GALNT17: variants seen among roughly 807,000 people sequenced by gnomAD.
The protein encoded by GALNT17 is UDP-GalNAc:polypeptide N-acetylgalactosaminyltransferase-like 3.
In GALNT17, 29 loss-of-function variants were observed where a neutral mutation model predicts 63.7. The observed-to-expected ratio is 0.46, with a 90% CI of 0.34 to 0.62. GALNT17 has a LOEUF of 0.62. Ranked by LOEUF, GALNT17 falls within the 20% of genes least tolerant of loss-of-function variation. The pLI is 0.01. For synonymous variants in GALNT17, 305 were observed against 318.3 expected (o/e 0.96, Z 0.45); for missense variants, 603 against 799.6 (o/e 0.75, Z 2.97).
chr7:71,403,919 C>T (rs1793283351), intron 3 of GALNT17, among the ~76,000 whole-genome samples: 1 of 152,110 alleles, frequency 6.6e-6, no homozygotes, highest in African/African-American at 2.4e-5. Flanking sequence ...ATCAATATCA[C>T]CGTAAATAAG....
At chr7:71,559,237 C>T (rs1444856704) in intron 5 of GALNT17, among the ~76,000 whole-genome samples, 2 of 151,806 alleles carry the variant, frequency 1.3e-5, no homozygotes, top group African/African-American at 2.4e-5. Context: ...CCGTAATGTG[C>T]CAGTTGAGAA....
chr7:71,534,044 A>G (rs1373652001), intron 5 of GALNT17, among the ~76,000 whole-genome samples: 2 of 152,142 alleles, frequency 1.3e-5, no homozygotes, highest in Admixed American at 6.6e-5. Context: ...ACCGTCTGGG[A>G]GGCCTGATGG....
At chr7:71,414,046 A>T (rs1793479961) in intron 3 of GALNT17, among the ~76,000 whole-genome samples, 2 of 152,070 alleles carry the variant, frequency 1.3e-5, no homozygotes, top group African/African-American at 4.8e-5. Flanking sequence ...GTTCGAGACC[A>T]GCCTGACCAA....
At chr7:71,167,318 T>C (rs1788461592) in intron 1 of GALNT17, among the ~76,000 whole-genome samples, 1 of 152,228 alleles carries the variant, frequency 6.6e-6, no homozygotes, top group Non-Finnish European at 1.5e-5. Flanking sequence ...GATAGCACTT[T>C]GTTCAAATTT....
At chr7:71,287,609 C>T (rs1790898543) in intron 1 of GALNT17, among the ~76,000 whole-genome samples, 1 of 152,114 alleles carries the variant, frequency 6.6e-6, no homozygotes, top group Non-Finnish European at 1.5e-5. Flanking sequence ...CTGACTCCTC[C>T]AAAAGGTAAC....
intron 1 of GALNT17, among the ~76,000 whole-genome samples, chr7:71,227,914 A>C (rs1247273347): frequency 6.6e-6 from 1 of 152,076 alleles, no homozygotes; most frequent in Non-Finnish European, 1.5e-5. Flanking sequence ...CTGGATTTCC[A>C]TGCTAGGTGC....
intron 1 of GALNT17, among the ~76,000 whole-genome samples, chr7:71,181,182 G>A (rs1164943477): frequency 6.7e-6 from 1 of 148,978 alleles, no homozygotes; most frequent in Non-Finnish European, 1.5e-5. Context: ...TTGAACCCAG[G>A]AGGCATAGGT....
intron 1 of GALNT17, among the ~76,000 whole-genome samples, chr7:71,312,128 A>C (rs1791423040): frequency 6.6e-6 from 1 of 152,238 alleles, no homozygotes; most frequent in South Asian, 2.1e-4. Flanking sequence ...GCATGGTATT[A>C]AAAAGTGGTT....
At chr7:71,176,905 T>C (rs969726846) in intron 1 of GALNT17, among the ~76,000 whole-genome samples, 2 of 152,236 alleles carry the variant, frequency 1.3e-5, no homozygotes, top group African/African-American at 4.8e-5. Context: ...AGAATTTGAA[T>C]GTGCATTAAA....
intron 1 of GALNT17, among the ~76,000 whole-genome samples, chr7:71,164,811 C>G (rs1167147683): frequency 2.6e-5 from 4 of 152,158 alleles, no homozygotes; most frequent in Non-Finnish European, 1.5e-5. Flanking sequence ...TGAATTAAAA[C>G]CCGTCTTATT....
intron 1 of GALNT17, among the ~76,000 whole-genome samples, chr7:71,290,590 A>G (rs951554899): frequency 6.6e-6 from 1 of 152,134 alleles, no homozygotes; most frequent in Non-Finnish European, 1.5e-5. Context: ...GGCTGTCTGT[A>G]AAACAGGCAG....
intron 2 of GALNT17, among the ~76,000 whole-genome samples, chr7:71,351,472 G>A (rs1234845170): frequency 6.6e-6 from 1 of 152,006 alleles, no homozygotes; most frequent in African/African-American, 2.4e-5. Flanking sequence ...ATTAGTTAAA[G>A]TGAGGCATAC....
At chr7:71,301,393 TA>T (rs1057270905) in intron 1 of GALNT17, among the ~76,000 whole-genome samples, 125 of 147,440 alleles carry the variant, frequency 8.5e-4, no homozygotes, top group African/African-American at 2.9e-3. Context: ...TAATATATAA[TA>T]AAATATATAT....
intron 5 of GALNT17, among the ~76,000 whole-genome samples, chr7:71,504,004 G>A (rs899715559): frequency 7.9e-5 from 12 of 151,910 alleles, no homozygotes; most frequent in Non-Finnish European, 7.4e-5. Flanking sequence ...CGAGGCGGGC[G>A]GATCATGAGG....
At chr7:71,606,021 C>T (rs1009219249) in intron 6 of GALNT17, among the ~76,000 whole-genome samples, 2 of 152,166 alleles carry the variant, frequency 1.3e-5, no homozygotes, top group Non-Finnish European at 2.9e-5. Context: ...TTCACTGCAA[C>T]CTCTGCCTCC....
intron 1 of GALNT17, among the ~76,000 whole-genome samples, chr7:71,199,672 C>CCCATCCAT (rs59064900): frequency 2.3e-4 from 28 of 124,004 alleles, no homozygotes; most frequent in East Asian, 7.0e-4. Context: ...CATCCTTCCA[C>CCCATCCAT]CCATCCATCC....
intron 6 of GALNT17, among the ~76,000 whole-genome samples, chr7:71,571,782 G>A (rs1789446200): frequency 6.6e-6 from 1 of 152,148 alleles, no homozygotes; most frequent in African/African-American, 2.4e-5. Context: ...GGGAGGCCAC[G>A]GTGGTGCGAT....
intron 5 of GALNT17, among the ~76,000 whole-genome samples, chr7:71,422,025 C>G (rs560880528): frequency 6.6e-6 from 1 of 151,740 alleles, no homozygotes; most frequent in African/African-American, 2.4e-5. Context: ...CCTCTTGCTG[C>G]TATAACAAGT....
intron 1 of GALNT17, among the ~76,000 whole-genome samples, chr7:71,293,651 GT>G (rs1791024085): frequency 6.6e-6 from 1 of 152,130 alleles, no homozygotes; most frequent in African/African-American, 2.4e-5. Flanking sequence ...CACAGTTTTT[GT>G]TTGTCTGAGG....
Sources: allele counts gnomAD v4.1 joint callset (sites outside exome capture counted in the v4.1 genomes callset), GRCh38; gene constraint gnomAD v4.1.1; transcripts MANE v1.5; gene names NCBI Gene and HGNC (gene_info 2026-07-23, HGNC 2026-07-21).